The following DPP6 variants were observed in gnomAD, a reference collection of about 807,000 sequenced individuals.
DPP6 encodes the protein dipeptidyl peptidase like 6.
A neutral mutation model predicts 122.6 loss-of-function variants in DPP6; 69 were observed. The ratio of observed to expected loss-of-function variants is 0.56; its 90% CI spans 0.46 to 0.69. The LOEUF is 0.69. Among genes scored for constraint, DPP6 ranks in the 30% least tolerant of loss-of-function variants. The probability of loss-of-function intolerance (pLI) is 0.00; values close to 1 mark genes in which losing one functional copy is unlikely to be tolerated. For missense variants in DPP6, 928 were observed against 1,116.9 expected (o/e 0.83, Z 2.41); for synonymous variants, 418 against 433.1 (o/e 0.97, Z 0.43).
intron 1 of DPP6, among the ~76,000 whole-genome samples, chr7:154,195,246 A>G (rs1361776002): frequency 5.3e-5 from 8 of 152,226 alleles, no homozygotes; most frequent in Non-Finnish European, 1.0e-4. Context: ...TCCTCCTTGA[A>G]ATATGGCAGT....
chr7:153,872,561 A>G, the DPP6 span, among the ~76,000 whole-genome samples: 22 of 152,250 alleles, frequency 1.4e-4, no homozygotes, highest in Admixed American at 1.4e-3. Context: ...TAGATAACAT[A>G]TACTGAATGC....
At chr7:153,868,011 A>T in the DPP6 span, among the ~76,000 whole-genome samples, 1 of 152,156 alleles carries the variant, frequency 6.6e-6, no homozygotes, top group Non-Finnish European at 1.5e-5. Context: ...CGACTTGATC[A>T]TGGTGGATAA....
intron 1 of DPP6, among the ~76,000 whole-genome samples, chr7:154,091,157 G>A (rs552158822): frequency 5.9e-5 from 9 of 151,898 alleles, no homozygotes; most frequent in South Asian, 2.1e-4. Context: ...CAATTCAGTC[G>A]TATTTATTGG....
the DPP6 span, among the ~76,000 whole-genome samples, chr7:153,799,966 G>A: frequency 6.6e-6 from 1 of 152,196 alleles, no homozygotes; most frequent in African/African-American, 2.4e-5. Flanking sequence ...TACACTTCTG[G>A]TGGGAAGGTA....
At chr7:154,349,984 G>T (rs1261807607) in intron 1 of DPP6, among the ~76,000 whole-genome samples, 1 of 152,202 alleles carries the variant, frequency 6.6e-6, no homozygotes, top group East Asian at 1.9e-4. Context: ...TGATGATGAT[G>T]CCAACTTGGG....
chr7:154,137,643 G>GC (rs1173797629), intron 1 of DPP6, among the ~76,000 whole-genome samples: 3 of 48,534 alleles, frequency 6.2e-5, no homozygotes, highest in Non-Finnish European at 1.4e-4. Flanking sequence ...GGAGATGGTG[G>GC]GGGGGGTGGG....
intron 1 of DPP6, among the ~76,000 whole-genome samples, chr7:154,359,582 C>T (rs1454237534): frequency 4.6e-5 from 7 of 152,130 alleles, no homozygotes; most frequent in African/African-American, 1.7e-4. Flanking sequence ...ATCACACAAG[C>T]TCCCAGAGAG....
chr7:154,425,723 G>A (rs1470240004), intron 1 of DPP6, among the ~76,000 whole-genome samples: 1 of 151,478 alleles, frequency 6.6e-6, no homozygotes, highest in Non-Finnish European at 1.5e-5. Context: ...GCTCACTGCA[G>A]CCTTGACCTT....
intron 1 of DPP6, among the ~76,000 whole-genome samples, chr7:154,238,227 TATC>T: frequency 6.6e-6 from 1 of 152,250 alleles, no homozygotes; most frequent in East Asian, 1.9e-4. Context: ...TTTGCTCTGT[TATC>T]ATGCTCAGGC....
chr7:154,633,010 A>G (rs1835499481), intron 5 of DPP6, among the ~76,000 whole-genome samples: 1 of 152,142 alleles, frequency 6.6e-6, no homozygotes, highest in African/African-American at 2.4e-5. Flanking sequence ...CTGTTTTTCC[A>G]TCTTGTGGAT....
intron 8 of DPP6, among the ~76,000 whole-genome samples, chr7:154,735,236 C>G (rs891516338): frequency 4.2e-4 from 64 of 152,160 alleles, no homozygotes; most frequent in African/African-American, 1.4e-3. Context: ...AAGCTGAAAT[C>G]ACACCCTTAG....
At chr7:154,611,169 A>C (rs542627664) in intron 5 of DPP6, among the ~76,000 whole-genome samples, 2 of 152,204 alleles carry the variant, frequency 1.3e-5, no homozygotes, top group South Asian at 4.2e-4. Flanking sequence ...GACTCATGTG[A>C]CTTGTACATG....
At chr7:154,658,265 G>T (rs770530734) in intron 6 of DPP6, among the ~76,000 whole-genome samples, 1 of 152,218 alleles carries the variant, frequency 6.6e-6, no homozygotes, top group Non-Finnish European at 1.5e-5. Flanking sequence ...TTGGAAAACT[G>T]AGGGCAGGGG....
chr7:154,255,630 C>G (rs1422634453), intron 1 of DPP6, among the ~76,000 whole-genome samples: 1 of 152,212 alleles, frequency 6.6e-6, no homozygotes, highest in African/African-American at 2.4e-5. Context: ...TAGTCCCCCT[C>G]TGCCTTTTTC....
At chr7:153,865,172 C>A in the DPP6 span, among the ~76,000 whole-genome samples, 1 of 151,832 alleles carries the variant, frequency 6.6e-6, no homozygotes, top group Non-Finnish European at 1.5e-5. Flanking sequence ...TATACAGGAC[C>A]GAAAGAATAA....
At chr7:154,348,021 C>T (rs913759592) in intron 1 of DPP6, among the ~76,000 whole-genome samples, 4 of 152,156 alleles carry the variant, frequency 2.6e-5, no homozygotes, top group Non-Finnish European at 5.9e-5. Flanking sequence ...TGCCTTTTGA[C>T]GGTTTGAGGA....
chr7:154,461,506 T>G, intron 2 of DPP6, among the ~76,000 whole-genome samples: 1 of 152,262 alleles, frequency 6.6e-6, no homozygotes, highest in East Asian at 1.9e-4. Flanking sequence ...GGTTTCCTTT[T>G]CTGCATATCA....
intron 1 of DPP6, among the ~76,000 whole-genome samples, chr7:154,184,616 A>G (rs1798262889): frequency 6.6e-6 from 1 of 152,006 alleles, no homozygotes; most frequent in African/African-American, 2.4e-5. Context: ...GATTAAAGCA[A>G]TTTTGGAGGG....
rs145664947 is a variant in DPP6 at position 154,537,779 on chromosome 7, G to A, written c.458-2753G>A. 3.3e-3 allele frequency among the ~76,000 whole-genome samples: 498 copies of A among 151,682 alleles called. 2 individuals are homozygous for A. Among genetic ancestry groups the A allele is most frequent in the African/African-American group, 0.011 (460 of 41,350 alleles). Reference sequence around the variant, plus strand: ...AGAGAGGAGGGGAGGGGAGAGGAGAGGAGAGGAGAGGGAAGAGGAGAGGAA... The same window carrying A: ...AGAGAGGAGGGGAGGGGAGAGGAGAAGAGAGGAGAGGGAAGAGGAGAGGAA... On this transcript the variant is annotated intron_variant, in intron 3 of 25. Coordinates refer to ENST00000377770, the MANE Select transcript of DPP6 (RefSeq NM_130797.4).
Sources: gnomAD v4.1 joint callset for allele counts (sites outside exome capture counted in the v4.1 genomes callset) on GRCh38, gnomAD v4.1.1 for gene constraint, MANE v1.5 for transcripts, NCBI Gene and HGNC (gene_info 2026-07-23, HGNC 2026-07-21) for gene names.